The following MED16 variants were observed in gnomAD, a reference collection of about 807,000 sequenced individuals.
The protein encoded by MED16 is mediator of RNA polymerase II transcription subunit 16.
A neutral mutation model predicts 84.4 loss-of-function variants in MED16; 81 were observed. The ratio of observed to expected loss-of-function variants is 0.96; its 90% CI spans 0.80 to 1.15. The LOEUF (loss-of-function observed/expected upper bound fraction) is 1.15. MED16 is among the 50% of genes most tolerant of loss of function. The pLI is 0.00. For synonymous variants in MED16, 897 were observed against 552.2 expected (o/e 1.62, Z -8.76); for missense variants, 1,585 against 1,245.9 (o/e 1.27, Z -4.10).
chr19:872,598 G>A (rs1043617809), intron 11 of MED16, among the ~76,000 whole-genome samples: 1 of 150,912 alleles, frequency 6.6e-6, no homozygotes, highest in African/African-American at 2.4e-5. Context: ...GCAGGATGAA[G>A]CCGGGTGGGT....
At chr19:870,070 C>G (rs114851848) in intron 13 of MED16, among the ~76,000 whole-genome samples, 299 of 152,192 alleles carry the variant, frequency 2.0e-3, no homozygotes, top group African/African-American at 7.0e-3. Flanking sequence ...GCCCCGGGCC[C>G]TGCAAGGTGA....
intron 2 of MED16, chr19:890,462 G>T (rs1422575045): frequency 1.1e-5 from 5 of 456,122 alleles, no homozygotes; most frequent in African/African-American, 2.0e-5. Flanking sequence ...AACCAGATTA[G>T]AAGAAAATGA....
intron 11 of MED16, chr19:872,854 C>A: frequency 1.5e-6 from 1 of 666,240 alleles, no homozygotes; most frequent in Non-Finnish European, 1.9e-6. Flanking sequence ...GGAGCAGGGC[C>A]TGGGAGGCGG....
intron 7 of MED16, among the ~76,000 whole-genome samples, 172 bp downstream of exon 7, chr19:881,387 C>T (rs1568328809): frequency 1.3e-5 from 2 of 152,228 alleles, no homozygotes; most frequent in Non-Finnish European, 2.9e-5. Flanking sequence ...GATCTGCCTC[C>T]TAATTGGGAA....
rs1021437336 is a variant in MED16, at chr19:874,153, G to A, written c.1772-571C>T. ...TTTTGAGACAGAGTCTCACTCTGTC[G>A]CCCAGGCTGGAGTGCAGTGGGGTGA... is the stretch of plus-strand genomic sequence containing the variant. On this transcript the variant is annotated intron_variant, in intron 10 of 15. Coordinates refer to ENST00000325464, the MANE Select transcript of MED16 (RefSeq NM_005481.3). 8.8e-4 allele frequency among the ~76,000 whole-genome samples: 117 copies of A among 133,174 alleles called. 3 individuals carry two copies. Among genetic ancestry groups the A allele is most frequent in the Admixed American group, 4.4e-4 (6 of 13,782 alleles). 87.4% of individuals were successfully genotyped at this position (133,174 alleles called of 152,430 possible). A position where few individuals can be genotyped will look rare whatever the true frequency, so the allele number is the denominator to read the frequency against.
In MED16 at chr19:877,586, C is replaced by T. The variant is rs533784915; in HGVS notation, c.1354-406G>A. 1.8e-3 allele frequency among the ~76,000 whole-genome samples: 275 copies of T among 152,216 alleles called. 7 individuals are homozygous for T. The highest frequency in any genetic ancestry group is 6.4e-3 in the African/African-American group (265 of 41,526). On this transcript the variant is annotated intron_variant, in intron 8 of 15. Transcript: ENST00000325464. ...ACAAGGCAGCGCAGGCAGGGGCTGG[C>T]GAGGGGCTTGCACCTGTGGTCCCTT...
intron 10 of MED16, 43 bp from the exon 11 acceptor site, chr19:873,625 A>G: frequency 6.2e-7 from 1 of 1,605,814 alleles, no homozygotes; most frequent in Non-Finnish European, 8.5e-7. Flanking sequence ...CCTCTTGTAC[A>G]CACAGGGTGA....
chr19:877,765 ACCAGCCCCAGCCCCAGCC>A (rs558471017), intron 8 of MED16, among the ~76,000 whole-genome samples: 11 of 55,018 alleles, frequency 2.0e-4, no homozygotes, highest in South Asian at 5.8e-4. Flanking sequence ...GTCAATGCCC[ACCAGCCCCAGCCCCAGCC>A]CCAGCCCCAG....
rs936839281 is a variant in MED16, at chr19:880,049, A to C, written c.1241T>G (p.Val414Gly). The C allele has an allele frequency of 5.6e-6, 9 of 1,610,984 alleles. No individual in the cohort carries two copies. In the African/African-American group the frequency reaches 1.2e-4, roughly 22 times the overall value. Residue 414 changes from valine to glycine, a missense_variant, in exon 8 of 16, where the codon GTG becomes GGG. By Grantham distance (109) the Val-to-Gly change is moderately radical. Coordinates refer to ENST00000325464, the MANE Select transcript of MED16 (RefSeq NM_005481.3). Reference protein sequence around the residue: ...VFYSSAAPRPVDEPAMKRPRT... With the variant: ...VFYSSAAPRPGDEPAMKRPRT... ...GGGGCGCTTCATGGCCGGCTCATCC[A>C]CAGGCCTCGGGGCCGCGGAGCTGTA... is the stretch of plus-strand genomic sequence containing the variant.
chr19:872,153 C>CGG, intron 11 of MED16, 35 bp from the exon 12 acceptor site: 2 of 1,537,572 alleles, frequency 1.3e-6, no homozygotes, highest in South Asian at 2.4e-5. Flanking sequence ...GCTGGGGCGG[C>CGG]GGGGGGCAGA....
intron 11 of MED16, chr19:873,038 GGGCAGGGCTCCGAGGTGGGGC>G: frequency 8.1e-6 from 2 of 248,070 alleles, no homozygotes; most frequent in South Asian, 9.3e-5. Context: ...CTCCGAGGTG[GGGCAGGGCTCCGAGGTGGGGC>G]AGGGCTCCGA....
chr19:871,592 C>A (rs777423516), intron 12 of MED16: 1 of 1,595,818 alleles, frequency 6.3e-7, no homozygotes, highest in African/African-American at 1.3e-5. Flanking sequence ...CAAGGAGAGA[C>A]AGCAAACAGG....
Position 871,123 on chromosome 19 carries a change from C to T in MED16, c.2229G>A (p.Gln743=), listed in dbSNP as rs2036040558. The change falls in exon 13 of 16, where the codon CAG becomes CAA. Residue 743 remains glutamine (Q), a synonymous_variant. Coordinates refer to ENST00000325464, the MANE Select transcript of MED16 (RefSeq NM_005481.3). ...PASDGLVSRL[Q]PKQPLRLQFG... ...ACTGCAGACGAAGGGGCTGCTTGGG[C>T]TGCAGGCGGCTAACCAGGCCGTCGC... The T allele has an allele frequency of 6.5e-7, 1 of 1,548,498 alleles. No individual in the cohort carries two copies. The highest frequency in any genetic ancestry group is 8.7e-7 in the Non-Finnish European group (1 of 1,145,918).
chr19:873,432 G>A lies in MED16; in HGVS notation c.1905+17C>T, dbSNP rs563351108. ...GCCCAGGTGGGGGGCGGGGCCTTAGGGGAGAGCATGGCGCACCTGGTTGGG... is the reference window on the plus strand; with the variant it reads ...GCCCAGGTGGGGGGCGGGGCCTTAGAGGAGAGCATGGCGCACCTGGTTGGG... On this transcript the variant is annotated intron_variant, in intron 11 of 15. Coordinates refer to ENST00000325464, the MANE Select transcript of MED16 (RefSeq NM_005481.3). The A allele has an allele frequency of 3.1e-6, 5 of 1,603,850 alleles. No individual in the cohort carries two copies. The highest frequency in any genetic ancestry group is 2.2e-5 in the South Asian group (2 of 90,978).
chr19:884,780 G>A (rs1394347481), intron 6 of MED16, 123 bp downstream of exon 6: 1 of 716,994 alleles, frequency 1.4e-6, no homozygotes, highest in Non-Finnish European at 2.4e-6. Flanking sequence ...ATCGAGGCGA[G>A]ACGATCGCTT....
In MED16 at chr19:875,401, G is replaced by T; in HGVS notation, c.1614C>A (p.Pro538=). 1 of 1,607,818 alleles carries T rather than the reference G, an allele frequency of 6.2e-7. No individual in the cohort carries two copies. Among genetic ancestry groups the T allele is most frequent in the Non-Finnish European group, 8.5e-7 (1 of 1,179,746 alleles). Residue 538 remains proline (P), a synonymous_variant, in exon 10 of 16, where the codon CCC becomes CCA. Transcript: ENST00000325464. The stretch of plus-strand genomic sequence containing the variant: ...AGTCGCACACGCGGGTCACCGTGCA[G>T]GGCGACAGCTTGCAGAGCGAGGCCT... ...AMKASLCKLS[P]CTVTRVCDYH...
intron 9 of MED16, among the ~76,000 whole-genome samples, 156 bp from the exon 10 acceptor site, chr19:875,610 A>G (rs1344626056): frequency 6.6e-6 from 1 of 152,190 alleles, no homozygotes; most frequent in Non-Finnish European, 1.5e-5. Context: ...ATGGCAAAAC[A>G]GGTGCGGAAG....
At position 868,090 on chromosome 19, in the gene MED16, AC is replaced by A. The variant is rs2035955933; in HGVS notation, c.*10del. 4 of 1,597,894 alleles carry A rather than the reference AC, an allele frequency of 2.5e-6. No individual in the cohort carries two copies. Among genetic ancestry groups the A allele is most frequent in the African/African-American group, 2.7e-5 (2 of 73,868 alleles). ...CCGGGTCACCACAAGGTCCGCCTGG[AC>A]CCCCGGCCGTCACGGACGGTCCTCT... On this transcript the variant is annotated 3_prime_UTR_variant, in exon 16 of 16. Transcript: ENST00000325464.
intron 9 of MED16, 94 bp downstream of exon 9, chr19:876,880 C>T (rs1036275891): frequency 1.8e-6 from 2 of 1,133,806 alleles, no homozygotes. Flanking sequence ...TGCCACGGGG[C>T]CCCCACCTGC....
Sources: allele counts gnomAD v4.1 joint callset (sites outside exome capture counted in the v4.1 genomes callset), GRCh38; gene constraint gnomAD v4.1.1; transcripts MANE v1.5; gene names NCBI Gene and HGNC (gene_info 2026-07-23, HGNC 2026-07-21).